Variants in MALRD1 observed in about 807,000 individuals in gnomAD.
MALRD1 encodes the protein MAM and LDL-receptor class A domain-containing protein 1.
MALRD1 carries 247 observed loss-of-function variants against 242.1 expected under a neutral mutation model. The ratio of observed to expected loss-of-function variants is 1.02; its 90% confidence interval spans 0.92 to 1.13. The LOEUF is 1.13. Among genes scored for constraint, MALRD1 ranks in the 50% most tolerant of loss-of-function variants. MALRD1 has a pLI of 0.00. For synonymous variants in MALRD1, 995 were observed against 866.6 expected, an observed-to-expected ratio of 1.15 and a Z score of -2.60; for missense variants, 2,989 against 2,533.1, an observed-to-expected ratio of 1.18 and a Z score of -3.86.
intron 18 of MALRD1, among the ~76,000 whole-genome samples, chr10:19,254,896 T>C (rs1839436982): frequency 6.6e-6 from 1 of 152,040 alleles, no homozygotes; most frequent in African/African-American, 2.4e-5. Context: ...ATTTCTCTTA[T>C]GAGTTAACTG....
intron 21 of MALRD1, among the ~76,000 whole-genome samples, chr10:19,294,957 G>A (rs1176865455): frequency 6.6e-6 from 1 of 151,798 alleles, no homozygotes; most frequent in Non-Finnish European, 1.5e-5. Flanking sequence ...TACTGTTTTT[G>A]ACTATGGTTT....
rs10580913 is a variant in MALRD1, at chr10:19,615,941, ATT to A, written c.6137+28_6137+29del. 0.52 allele frequency: 759,590 copies of A among 1,456,938 alleles called. 194,852 individuals are homozygous for A. The highest frequency in any genetic ancestry group is 0.55 in the Non-Finnish European group (602,397 of 1,094,140). 90.3% of individuals were successfully genotyped at this position (1,456,938 alleles called of 1,614,324 possible). On this transcript the variant is annotated intron_variant, in intron 36 of 39. Transcript: ENST00000454679. ...ATGTGTCGGTAAGAAGCATTGTTTA[ATT>A]TTTTTTTTTAAGATTTTTTGGAGTT...
chr10:19,229,274 A>G (rs1837941907), intron 18 of MALRD1, among the ~76,000 whole-genome samples: 1 of 152,180 alleles, frequency 6.6e-6, no homozygotes, highest in Non-Finnish European at 1.5e-5. Context: ...TTCTAGAGGA[A>G]AATTATAGCT....
chr10:19,118,682 A>G (rs950421366), intron 5 of MALRD1, among the ~76,000 whole-genome samples: 2 of 152,226 alleles, frequency 1.3e-5, no homozygotes, highest in Admixed American at 6.5e-5. Context: ...GGGTATAATG[A>G]GGCATGTCTG....
At chr10:19,464,798 G>T (rs111329789) in intron 29 of MALRD1, among the ~76,000 whole-genome samples, 26,042 of 152,080 alleles carry the variant, frequency 0.17, 2,737 homozygotes, top group East Asian at 0.23. Flanking sequence ...ATTGCTTTTG[G>T]CAGGATGGTC....
At chr10:19,698,204 G>T (rs2131839522) in intron 38 of MALRD1, among the ~76,000 whole-genome samples, 1 of 152,246 alleles carries the variant, frequency 6.6e-6, no homozygotes, top group Non-Finnish European at 1.5e-5. Flanking sequence ...GAGGAATAAA[G>T]GGTACCATGA....
intron 4 of MALRD1, among the ~76,000 whole-genome samples, chr10:19,102,842 G>T (rs1336598634): frequency 7.7e-6 from 1 of 130,566 alleles, no homozygotes; most frequent in Non-Finnish European, 1.6e-5. Flanking sequence ...CTAATGTCAC[G>T]TTCAGTCATT....
At chr10:19,244,951 G>A (rs1271331838) in intron 18 of MALRD1, among the ~76,000 whole-genome samples, 7 of 152,150 alleles carry the variant, frequency 4.6e-5, no homozygotes, top group Non-Finnish European at 8.8e-5. Context: ...ACCATCAAGA[G>A]AGGAGAAGTC....
intron 21 of MALRD1, among the ~76,000 whole-genome samples, chr10:19,295,993 G>A (rs2496054): frequency 0.41 from 62,371 of 151,940 alleles, 12,950 homozygotes; most frequent in South Asian, 0.57. Context: ...TGGCAGCACA[G>A]TGGAATTACT....
At chr10:19,104,373 C>T (rs558634323) in intron 5 of MALRD1, among the ~76,000 whole-genome samples, 1 of 152,212 alleles carries the variant, frequency 6.6e-6, no homozygotes, top group South Asian at 2.1e-4. Context: ...TCTGTGCCTT[C>T]TAGGAGACTG....
At chr10:19,281,483 A>G (rs1326200828) in intron 20 of MALRD1, among the ~76,000 whole-genome samples, 2 of 152,186 alleles carry the variant, frequency 1.3e-5, no homozygotes, top group Non-Finnish European at 2.9e-5. Flanking sequence ...AGTGTCCTAA[A>G]TGAGTGCCTA....
chr10:19,458,898 A>G (rs1042167563), intron 29 of MALRD1, among the ~76,000 whole-genome samples: 13 of 152,012 alleles, frequency 8.6e-5, no homozygotes, highest in African/African-American at 2.7e-4. Flanking sequence ...TGAGTTATAT[A>G]TATATATATA....
At chr10:19,430,275 C>A (rs541666747) in intron 28 of MALRD1, among the ~76,000 whole-genome samples, 2 of 151,288 alleles carry the variant, frequency 1.3e-5, no homozygotes, top group African/African-American at 2.4e-5. Context: ...CCACCATGCC[C>A]GGCTAATTTT....
rs1589261605 is a variant in MALRD1 at position 19,579,990 on chromosome 10, T to C, written c.5680+12287T>C. ...GCCAAGTACACAACCTCGTCCAACATTGCATATAATTGTGGCCACACTAAC... is the reference window on the plus strand; with the variant it reads ...GCCAAGTACACAACCTCGTCCAACACTGCATATAATTGTGGCCACACTAAC... On this transcript the variant is annotated intron_variant, in intron 33 of 39. Coordinates refer to ENST00000454679, the MANE Select transcript of MALRD1 (RefSeq NM_001142308.3). Among the ~76,000 whole-genome samples, 5 of 152,236 alleles carry C rather than the reference T, an allele frequency of 3.3e-5. No homozygotes were observed. In the South Asian group the frequency reaches 1.0e-3, roughly 32 times the overall value.
chr10:19,283,797 C>A (rs185859961), intron 21 of MALRD1, among the ~76,000 whole-genome samples: 22 of 152,258 alleles, frequency 1.4e-4, no homozygotes, highest in Admixed American at 1.2e-3. Flanking sequence ...GTGGATTTCC[C>A]AGTTAATTTC....
At chr10:19,139,061 A>G (rs2131420074) in intron 10 of MALRD1, among the ~76,000 whole-genome samples, 1 of 152,338 alleles carries the variant, frequency 6.6e-6, no homozygotes, top group South Asian at 2.1e-4. Context: ...TATAGGGAAT[A>G]TGTCATAAAA....
At chr10:19,591,417 C>T (rs984335054) in intron 33 of MALRD1, among the ~76,000 whole-genome samples, 2 of 151,980 alleles carry the variant, frequency 1.3e-5, no homozygotes, top group African/African-American at 2.4e-5. Flanking sequence ...TGGGTGAAAC[C>T]CAAGAATAAA....
intron 33 of MALRD1, among the ~76,000 whole-genome samples, chr10:19,570,284 T>C (rs1836462607): frequency 1.3e-5 from 2 of 152,026 alleles, no homozygotes; most frequent in South Asian, 4.1e-4. Context: ...AAATCAGTAC[T>C]CCTCAGACTG....
At chr10:19,066,491 G>T (rs2131242392) in intron 1 of MALRD1, among the ~76,000 whole-genome samples, 1 of 152,256 alleles carries the variant, frequency 6.6e-6, no homozygotes, top group African/African-American at 2.4e-5. Flanking sequence ...CTGATCCTAT[G>T]TCGTGTGGCA....
Sources: gnomAD v4.1 joint callset for allele counts (sites outside exome capture counted in the v4.1 genomes callset) on GRCh38, gnomAD v4.1.1 for gene constraint, MANE v1.5 for transcripts, NCBI Gene and HGNC (gene_info 2026-07-23, HGNC 2026-07-21) for gene names.